The following DIAPH2 variants were observed in gnomAD, a reference collection of about 807,000 sequenced individuals.
DIAPH2 encodes protein diaphanous homolog 2.
DIAPH2 carries 35 observed loss-of-function variants against 92.7 expected under a neutral mutation model. The observed-to-expected ratio is 0.38, with a 90% confidence interval of 0.29 to 0.50. DIAPH2 has a LOEUF of 0.50. DIAPH2 is among the 20% of genes least tolerant of loss of function. DIAPH2 has a pLI of 0.94. For synonymous variants in DIAPH2, 301 were observed against 280.4 expected (o/e 1.07, Z -0.73); for missense variants, 701 against 819.5 (o/e 0.86, Z 1.77).
intron 22 of DIAPH2, among the ~76,000 whole-genome samples, chrX:97,173,195 G>A (rs2067466826): frequency 1.8e-5 from 2 of 112,023 alleles, no homozygotes; most frequent in African/African-American, 6.5e-5. Context: ...GAGTTCAAGA[G>A]TTTGAGACCA....
chrX:97,210,635 C>T (rs1359853715), intron 22 of DIAPH2, among the ~76,000 whole-genome samples: 1 of 111,479 alleles, frequency 9.0e-6, no homozygotes, highest in African/African-American at 3.3e-5. Flanking sequence ...TTTTATGGTA[C>T]TGACATAAAA....
At chrX:96,919,664 T>G (rs183610535) in intron 9 of DIAPH2, among the ~76,000 whole-genome samples, 225 of 111,244 alleles carry the variant, frequency 2.0e-3, no homozygotes, top group African/African-American at 7.0e-3. Flanking sequence ...TTTTATGTAT[T>G]ATGAAGTATT....
At position 96,918,803 on chromosome X, in the gene DIAPH2, A is replaced by G. The variant is rs113735176; in HGVS notation, c.978+186A>G. On this transcript the variant is annotated intron_variant, in intron 9 of 26. Coordinates refer to ENST00000324765, the MANE Select transcript of DIAPH2 (RefSeq NM_006729.5). ...GAAAAATACTTTTGAATTATTATAA[A>G]TGTGGCAGTTATGGCTGTCATTGAT... Among the ~76,000 whole-genome samples, 129 of 112,217 alleles carry G rather than the reference A, an allele frequency of 1.1e-3. 1 individual carries two copies. The highest frequency in any genetic ancestry group is 3.9e-3 in the African/African-American group (120 of 30,976).
At position 97,252,274 on chromosome X, in the gene DIAPH2, A is replaced by T. The variant is rs35375691; in HGVS notation, c.2844+4435A>T. On this transcript the variant is annotated intron_variant, in intron 23 of 26. Transcript: ENST00000324765. The stretch of plus-strand genomic sequence containing the variant: ...GACTGCTGGTTAAATCATTTCCCCA[A>T]CCGGAGGACAGAGAGTGACTGAGCA... Among the ~76,000 whole-genome samples, 604 of 111,333 alleles carry T rather than the reference A, an allele frequency of 5.4e-3. 5 individuals carry two copies. Among genetic ancestry groups the T allele is most frequent in the Non-Finnish European group, 6.3e-3 (335 of 53,106 alleles).
At chrX:96,898,687 C>T (rs1269509933) in intron 5 of DIAPH2, among the ~76,000 whole-genome samples, 5 of 107,480 alleles carry the variant, frequency 4.7e-5, no homozygotes, top group South Asian at 4.4e-4. Context: ...TGCCTGTTCA[C>T]TCTGATGGTA....
At chrX:96,751,878 C>T (rs367620130) in intron 3 of DIAPH2, among the ~76,000 whole-genome samples, 3 of 96,870 alleles carry the variant, frequency 3.1e-5, no homozygotes, top group African/African-American at 1.1e-4. Flanking sequence ...TGGTCTCGAT[C>T]TCCTGACCTC....
intron 3 of DIAPH2, among the ~76,000 whole-genome samples, chrX:96,757,906 AT>A (rs2064242054): frequency 9.0e-6 from 1 of 111,632 alleles, no homozygotes; most frequent in African/African-American, 3.3e-5. Context: ...TTTTAAAAAT[AT>A]TTTTTTCTTT....
chrX:97,515,073 G>T (rs1277132000), intron 26 of DIAPH2, among the ~76,000 whole-genome samples: 1 of 111,738 alleles, frequency 8.9e-6, no homozygotes, highest in Non-Finnish European at 1.9e-5. Flanking sequence ...GTTTACCTAA[G>T]CAAGCCTGGG....
chrX:96,963,035 T>A (rs183847114), intron 16 of DIAPH2, among the ~76,000 whole-genome samples: 1 of 112,170 alleles, frequency 8.9e-6, no homozygotes, highest in African/African-American at 3.2e-5. Context: ...GGTGATGAAT[T>A]CCCTCAGTTT....
intron 25 of DIAPH2, among the ~76,000 whole-genome samples, chrX:97,405,093 TTCTCTA>T (rs1375275242): frequency 1.8e-5 from 2 of 112,124 alleles, no homozygotes; most frequent in Non-Finnish European, 3.8e-5. Context: ...TAAACATGTA[TTCTCTA>T]TCTCTAAGTA....
chrX:97,370,235 G>C (rs1379963328), intron 24 of DIAPH2, among the ~76,000 whole-genome samples: 1 of 111,068 alleles, frequency 9.0e-6, no homozygotes, highest in Non-Finnish European at 1.9e-5. Flanking sequence ...TCCTTTCCCT[G>C]TCCCTCTCAT....
intron 26 of DIAPH2, among the ~76,000 whole-genome samples, chrX:97,488,298 GT>G (rs2070702857): frequency 8.9e-6 from 1 of 112,092 alleles, no homozygotes; most frequent in African/African-American, 3.2e-5. Context: ...CAGCTGTTTT[GT>G]TTTTTTGATC....
chrX:97,570,105 TATATATATATATATATATTAGA>T (rs1569426170), intron 26 of DIAPH2, among the ~76,000 whole-genome samples: 55 of 32,246 alleles, frequency 1.7e-3, no homozygotes, highest in African/African-American at 5.1e-3. Context: ...TATATATATA[TATATATATATATATATATTAGA>T]AGATAGATAG....
chrX:97,061,707 A>G (rs757917062), intron 17 of DIAPH2, among the ~76,000 whole-genome samples: 168 of 106,343 alleles, frequency 1.6e-3, no homozygotes, highest in Non-Finnish European at 2.9e-3. Flanking sequence ...CCAGCTACTC[A>G]GGAGGCTGAC....
At chrX:96,719,695 G>GTA (rs1217396536) in intron 1 of DIAPH2, among the ~76,000 whole-genome samples, 2 of 111,368 alleles carry the variant, frequency 1.8e-5, no homozygotes, top group Admixed American at 1.9e-4. Context: ...TAGCTCTATA[G>GTA]TATAATTCGA....
intron 23 of DIAPH2, among the ~76,000 whole-genome samples, chrX:97,292,240 C>T (rs764340528): frequency 9.1e-6 from 1 of 110,252 alleles, no homozygotes; most frequent in Non-Finnish European, 1.9e-5. Flanking sequence ...TGCCATGTTG[C>T]CCAGGCTGGT....
intron 22 of DIAPH2, among the ~76,000 whole-genome samples, chrX:97,145,501 A>T (rs1377630835): frequency 1.8e-5 from 2 of 108,875 alleles, no homozygotes; most frequent in African/African-American, 6.7e-5. Flanking sequence ...CCTTTTATAT[A>T]TTTTTTTCTT....
intron 26 of DIAPH2, among the ~76,000 whole-genome samples, chrX:97,551,235 C>T (rs1569422477): frequency 9.0e-6 from 1 of 111,051 alleles, no homozygotes; most frequent in Non-Finnish European, 1.9e-5. Flanking sequence ...TCACAGCTAT[C>T]GGTTATGATA....
At position 97,144,497 on chromosome X, in the gene DIAPH2, C is replaced by T. The variant is rs2315830; in HGVS notation, c.2719+2703C>T. 1.8e-3 allele frequency among the ~76,000 whole-genome samples: 194 copies of T among 109,922 alleles called. 1 individual carries two copies. The highest frequency in any genetic ancestry group is 6.0e-3 in the African/African-American group (183 of 30,319). On this transcript the variant is annotated intron_variant, in intron 22 of 26. Transcript: ENST00000324765. ...AAGGTGGTAGATACGCTAAACACCCCAATTTAGTCATTACACATTCTATGC... is the reference window on the plus strand; with the variant it reads ...AAGGTGGTAGATACGCTAAACACCCTAATTTAGTCATTACACATTCTATGC...
Sources: gnomAD v4.1 joint callset for allele counts (sites outside exome capture counted in the v4.1 genomes callset) on GRCh38, gnomAD v4.1.1 for gene constraint, MANE v1.5 for transcripts, NCBI Gene and HGNC (gene_info 2026-07-23, HGNC 2026-07-21) for gene names.